Variants in GPC3 observed in about 807,000 individuals in gnomAD.
GPC3 encodes glypican 3.
Under a neutral mutation model 34.4 loss-of-function variants are expected in GPC3, and 3 were observed. The ratio of observed to expected loss-of-function variants is 0.09; its 90% CI spans 0.04 to 0.23. GPC3 has a LOEUF of 0.23. GPC3 is among the 10% of genes least tolerant of loss of function. The pLI is 1.00. For synonymous variants in GPC3, 177 were observed against 174.0 expected, an observed-to-expected ratio of 1.02 and a Z score of -0.13; for missense variants, 351 against 445.6, an observed-to-expected ratio of 0.79 and a Z score of 1.91.
intron 2 of GPC3, among the ~76,000 whole-genome samples, chrX:133,812,134 T>C (rs891940025): frequency 4.5e-5 from 5 of 111,925 alleles, no homozygotes; most frequent in African/African-American, 1.6e-4. Flanking sequence ...CAAAATTTTA[T>C]TGAACCTTTA....
chrX:133,651,506 T>A (rs2070602758), intron 6 of GPC3, among the ~76,000 whole-genome samples: 1 of 111,874 alleles, frequency 8.9e-6, no homozygotes, highest in Admixed American at 9.5e-5. Context: ...TAGGCACTCA[T>A]GTTTGTGAAT....
chrX:133,681,746 C>T (rs1024459027), intron 5 of GPC3, among the ~76,000 whole-genome samples: 1 of 112,031 alleles, frequency 8.9e-6, no homozygotes, highest in African/African-American at 3.2e-5. Context: ...TTTCCCTGTG[C>T]TTCACACTCC....
intron 2 of GPC3, among the ~76,000 whole-genome samples, chrX:133,895,897 C>T (rs748380785): frequency 8.9e-6 from 1 of 111,771 alleles, no homozygotes; most frequent in Non-Finnish European, 1.9e-5. Flanking sequence ...TAAGCTTCTC[C>T]ACCCTTGGAC....
intron 7 of GPC3, among the ~76,000 whole-genome samples, chrX:133,542,698 T>C (rs1035998864): frequency 8.9e-5 from 10 of 112,172 alleles, no homozygotes; most frequent in African/African-American, 3.2e-4. Flanking sequence ...CTGTGTACAG[T>C]TGGCCTCCAA....
At chrX:133,589,826 C>T (rs770853433) in intron 7 of GPC3, among the ~76,000 whole-genome samples, 1 of 111,948 alleles carries the variant, frequency 8.9e-6, no homozygotes, top group Non-Finnish European at 1.9e-5. Context: ...ATGTTTTCTG[C>T]TCCTGTGCTA....
chrX:133,956,889 T>C (rs1443055112), intron 1 of GPC3, among the ~76,000 whole-genome samples: 1 of 111,655 alleles, frequency 9.0e-6, no homozygotes, highest in Non-Finnish European at 1.9e-5. Context: ...CTCTTTGAAC[T>C]ACCATGACAC....
At chrX:133,848,223 T>C (rs765611903) in intron 2 of GPC3, among the ~76,000 whole-genome samples, 1 of 112,173 alleles carries the variant, frequency 8.9e-6, no homozygotes, top group South Asian at 3.8e-4. Context: ...ACTTTATGGT[T>C]ACTGACTCTA....
At chrX:133,666,006 G>A (rs1057383405) in intron 5 of GPC3, among the ~76,000 whole-genome samples, 4 of 111,313 alleles carry the variant, frequency 3.6e-5, no homozygotes, top group Non-Finnish European at 7.5e-5. Flanking sequence ...TAAAACAAGC[G>A]TCTTCCCAAA....
intron 2 of GPC3, among the ~76,000 whole-genome samples, chrX:133,784,088 T>C (rs1160675217): frequency 1.8e-5 from 2 of 111,537 alleles, no homozygotes; most frequent in Non-Finnish European, 3.8e-5. Flanking sequence ...ACATGATGAA[T>C]TTTCATCATC....
chrX:133,713,812 T>C (rs1323380147), intron 3 of GPC3, among the ~76,000 whole-genome samples: 1 of 112,150 alleles, frequency 8.9e-6, no homozygotes, highest in Non-Finnish European at 1.9e-5. Flanking sequence ...TCTTCTACTA[T>C]GAAACTTGAC....
intron 2 of GPC3, among the ~76,000 whole-genome samples, chrX:133,904,853 T>G (rs1382128684): frequency 8.9e-6 from 1 of 111,758 alleles, no homozygotes; most frequent in Non-Finnish European, 1.9e-5. Flanking sequence ...CATTGAGGCC[T>G]AGATCTATAT....
chrX:133,686,429 C>T (rs1389191715), intron 5 of GPC3, among the ~76,000 whole-genome samples: 1 of 111,639 alleles, frequency 9.0e-6, no homozygotes. Flanking sequence ...ATGTTATATA[C>T]CTACAATGAA....
At chrX:133,715,895 T>C (rs2071308785) in intron 3 of GPC3, among the ~76,000 whole-genome samples, 1 of 111,250 alleles carries the variant, frequency 9.0e-6, no homozygotes, top group Non-Finnish European at 1.9e-5. Flanking sequence ...CTTGAGGTTC[T>C]GTGCAAGGAA....
intron 6 of GPC3, among the ~76,000 whole-genome samples, chrX:133,604,439 A>C (rs2070024099): frequency 9.0e-6 from 1 of 111,491 alleles, no homozygotes; most frequent in African/African-American, 3.3e-5. Flanking sequence ...GCATTGAACA[A>C]CATTGGATGC....
At chrX:133,600,426 C>CA (rs754265347) in intron 6 of GPC3, among the ~76,000 whole-genome samples, 6 of 111,428 alleles carry the variant, frequency 5.4e-5, no homozygotes, top group Non-Finnish European at 1.1e-4. Context: ...AAACAAAGTG[C>CA]AATTAAACAA....
chrX:133,900,277 G>C (rs1180854778), intron 2 of GPC3, among the ~76,000 whole-genome samples: 1 of 112,523 alleles, frequency 8.9e-6, no homozygotes, highest in Non-Finnish European at 1.9e-5. Flanking sequence ...TGTTGAATTT[G>C]CATTTAGAAG....
At chrX:133,946,722 C>A (rs186104297) in intron 2 of GPC3, among the ~76,000 whole-genome samples, 6 of 111,093 alleles carry the variant, frequency 5.4e-5, no homozygotes, top group Non-Finnish European at 9.4e-5. Context: ...GAGCCTGGAA[C>A]TGAAATCAGA....
chrX:133,976,692 C>T (rs1423346436), intron 1 of GPC3, among the ~76,000 whole-genome samples: 3 of 110,110 alleles, frequency 2.7e-5, no homozygotes, highest in Non-Finnish European at 5.7e-5. Flanking sequence ...CTGAGGCAGG[C>T]GGATCACCTG....
chrX:133,784,095 C>T (rs2072078471), intron 2 of GPC3, among the ~76,000 whole-genome samples: 1 of 111,473 alleles, frequency 9.0e-6, no homozygotes, highest in Non-Finnish European at 1.9e-5. Flanking sequence ...GAATTTTCAT[C>T]ATCTTGCTGG....
Sources: allele counts gnomAD v4.1 joint callset (sites outside exome capture counted in the v4.1 genomes callset), GRCh38; gene constraint gnomAD v4.1.1; transcripts MANE v1.5; gene names NCBI Gene and HGNC (gene_info 2026-07-23, HGNC 2026-07-21).